USP45: variants seen among roughly 807,000 people sequenced by gnomAD.
USP45 encodes ubiquitin carboxyl-terminal hydrolase 45.
USP45 carries 89 observed loss-of-function variants against 95.8 expected under a neutral mutation model. That is an observed-to-expected ratio of 0.93 (90% CI 0.78 to 1.11). The LOEUF is 1.11. USP45 is among the 50% of genes least tolerant of loss of function. The pLI is 0.00. For synonymous variants in USP45, 281 were observed against 316.2 expected, an observed-to-expected ratio of 0.89 and a Z score of 1.18; for missense variants, 898 against 942.5, an observed-to-expected ratio of 0.95 and a Z score of 0.62.
chr6:99,446,254 C>T lies in USP45; in HGVS notation c.1518G>A (p.Glu506=). Residue 506 remains glutamate (E), a synonymous_variant, in exon 14 of 18, where the codon GAG becomes GAA. Transcript: ENST00000500704. ...HSESNVDADS[E]PSESESASKQ... is the part of the protein sequence containing the mutation. Reference sequence around the variant, plus strand: ...TTGAAGCACTTTCAGATTCTGAAGGCTCACTGTCAGCATCAACATTGCTTT... The same window carrying T: ...TTGAAGCACTTTCAGATTCTGAAGGTTCACTGTCAGCATCAACATTGCTTT... The T allele has an allele frequency of 1.2e-6, 2 of 1,614,168 alleles. No individual in the cohort carries two copies. Among genetic ancestry groups the T allele is most frequent in the East Asian group, 2.2e-5 (1 of 44,868 alleles).
intron 13 of USP45, among the ~76,000 whole-genome samples, chr6:99,454,497 TG>T (rs1257943786): frequency 6.6e-6 from 1 of 152,116 alleles, no homozygotes; most frequent in African/African-American, 2.4e-5. Context: ...ATCAACAGAA[TG>T]AAGAGACCTC....
chr6:99,464,567 TA>T (rs1345811890), intron 13 of USP45, 36 bp downstream of exon 13: 4 of 1,588,078 alleles, frequency 2.5e-6, no homozygotes, highest in South Asian at 1.2e-5. Context: ...AATAAACTGT[TA>T]AAAAACAGAC....
chr6:99,484,025 T>TTTTTTTAA (rs1427246582), intron 7 of USP45, among the ~76,000 whole-genome samples: 3 of 145,560 alleles, frequency 2.1e-5, no homozygotes, highest in Non-Finnish European at 4.5e-5. Flanking sequence ...TTTTTTTTTT[T>TTTTTTTAA]AAAGAGACAG....
rs577187327 is a variant in USP45 at position 99,434,641 on chromosome 6, T to G, written c.*1075A>C. ...TGCCCCATTAAAAGCTAAATTCACC[T>G]GAACTTATTAATGATGCTTGCTGAA... On this transcript the variant is annotated 3_prime_UTR_variant, in exon 18 of 18. Coordinates refer to ENST00000500704, the MANE Select transcript of USP45 (RefSeq NM_001346022.3). The G allele has an allele frequency of 7.9e-5, 12 of 152,328 alleles. No homozygotes were observed. In the South Asian group the frequency reaches 2.5e-3, roughly 32 times the overall value. The allele number at this position is 152,328 out of a possible 1,614,324, so 9.4% of individuals were successfully genotyped here. A position where few individuals can be genotyped will look rare whatever the true frequency, so the allele number is the denominator to read the frequency against.
chr6:99,477,073 TTC>T (rs1404770816), intron 8 of USP45, among the ~76,000 whole-genome samples: 2 of 152,190 alleles, frequency 1.3e-5, no homozygotes, highest in Non-Finnish European at 2.9e-5. Context: ...GAAGAAATAA[TTC>T]TGTCAAAATA....
intron 13 of USP45, among the ~76,000 whole-genome samples, chr6:99,456,569 A>G (rs969964796): frequency 6.6e-6 from 1 of 152,182 alleles, no homozygotes; most frequent in Non-Finnish European, 1.5e-5. Flanking sequence ...CTTTACTGCA[A>G]TCTCTAAACA....
chr6:99,448,163 C>T (rs528048773), intron 13 of USP45, among the ~76,000 whole-genome samples: 21 of 152,322 alleles, frequency 1.4e-4, no homozygotes, highest in African/African-American at 4.8e-4. Flanking sequence ...CACAGCTCCT[C>T]GCCAGCAACG....
chr6:99,507,369 A>AG, intron 4 of USP45, 59 bp downstream of exon 4: 4 of 1,103,056 alleles, frequency 3.6e-6, no homozygotes, highest in Non-Finnish European at 3.9e-6. Context: ...AGCTTAAAGA[A>AG]AAAAAAAAAT....
At position 99,456,134 on chromosome 6, in the gene USP45, G is replaced by GAAAA. The variant is rs71021737; in HGVS notation, c.1308+8466_1308+8469dup. 9.0e-4 allele frequency among the ~76,000 whole-genome samples: 81 copies of GAAAA among 89,532 alleles called. 2 individuals carry two copies. The highest frequency in any genetic ancestry group is 3.5e-3 in the African/African-American group (76 of 21,692). 58.7% of individuals were successfully genotyped at this position (89,532 alleles called of 152,430 possible). A position where few individuals can be genotyped will look rare whatever the true frequency, so the allele number is the denominator to read the frequency against. On this transcript the variant is annotated intron_variant, in intron 13 of 17. Transcript: ENST00000500704. Reference sequence around the variant, plus strand: ...GGCAACAGAGCGAGACTCTGTCTCGGAAAAAAAAAAAAAAAAAAAAAAAGA... The same window carrying GAAAA: ...GGCAACAGAGCGAGACTCTGTCTCGGAAAAAAAAAAAAAAAAAAAAAAAAAAAGA...
intron 16 of USP45, among the ~76,000 whole-genome samples, chr6:99,438,912 T>C (rs1197367793): frequency 6.6e-6 from 1 of 152,208 alleles, no homozygotes; most frequent in African/African-American, 2.4e-5. Context: ...CCGTAATAGG[T>C]ACTTTTTAAA....
chr6:99,446,636 A>T (rs1290976666), intron 13 of USP45, among the ~76,000 whole-genome samples, 173 bp from the exon 14 acceptor site: 4 of 152,268 alleles, frequency 2.6e-5, no homozygotes, highest in Admixed American at 6.5e-5. Flanking sequence ...TTCTATTTTA[A>T]AAGTAAATCT....
chr6:99,486,530 G>A (rs76944318), intron 7 of USP45, among the ~76,000 whole-genome samples: 4,868 of 151,514 alleles, frequency 0.032, 254 homozygotes, highest in African/African-American at 0.11. Context: ...AATTTTTAAG[G>A]GGCTGAACAA....
At chr6:99,510,086 C>T in intron 2 of USP45, 35 bp downstream of exon 2, 1 of 1,485,358 alleles carries the variant, frequency 6.7e-7, no homozygotes, top group East Asian at 2.3e-5. Context: ...TATTTCTTCT[C>T]AACACTATTT....
intron 10 of USP45, 128 bp downstream of exon 10, chr6:99,468,409 A>G: frequency 1.5e-6 from 1 of 645,650 alleles, no homozygotes; most frequent in Non-Finnish European, 2.7e-6. Flanking sequence ...ACACTGCAGC[A>G]ACTACGTCCT....
chr6:99,462,153 C>T (rs769780153), intron 13 of USP45: 132 of 980,118 alleles, frequency 1.3e-4, no homozygotes, highest in Non-Finnish European at 1.4e-4. Flanking sequence ...ATGAAAAAAA[C>T]GTTCAATAAA....
chr6:99,508,682 T>G lies in USP45; in HGVS notation c.201A>C (p.Lys67Asn). 6.2e-7 allele frequency: 1 copy of G among 1,613,942 alleles called. No individual in the cohort carries two copies. The highest frequency in any genetic ancestry group is 1.1e-5 in the South Asian group (1 of 91,058). Residue 67 changes from lysine (K) to asparagine (N), a missense_variant, in exon 3 of 18, where the codon AAA becomes AAC. Coordinates refer to ENST00000500704, the MANE Select transcript of USP45 (RefSeq NM_001346022.3). ...NLWSVCSECLKERRFYDGQLV... is the reference protein window; with the variant it reads ...NLWSVCSECLNERRFYDGQLV... The stretch of plus-strand genomic sequence containing the variant: ...GCTGCCCATCATAGAATCTTCTTTC[T>G]TTTAAACATTCTGAGCAAACTGACC...
At chr6:99,451,742 A>T (rs1352586711) in intron 13 of USP45, among the ~76,000 whole-genome samples, 8 of 152,246 alleles carry the variant, frequency 5.3e-5, no homozygotes, top group Admixed American at 3.9e-4. Flanking sequence ...AGCCAAAAGA[A>T]CAAAGCTGGA....
At chr6:99,491,244 G>C (rs1166156928) in intron 5 of USP45, among the ~76,000 whole-genome samples, 3 of 152,168 alleles carry the variant, frequency 2.0e-5, no homozygotes, top group Non-Finnish European at 4.4e-5. Flanking sequence ...AAAGAAAAGG[G>C]GGAAGAGGCC....
At chr6:99,488,654 A>G (rs1385325469) in intron 6 of USP45, 27 bp downstream of exon 6, 3 of 1,583,034 alleles carry the variant, frequency 1.9e-6, no homozygotes, top group East Asian at 2.3e-5. Flanking sequence ...TCTTTTACAT[A>G]TTACAAAGCT....
Sources: gnomAD v4.1 joint callset for allele counts (sites outside exome capture counted in the v4.1 genomes callset) on GRCh38, gnomAD v4.1.1 for gene constraint, MANE v1.5 for transcripts, NCBI Gene and HGNC (gene_info 2026-07-23, HGNC 2026-07-21) for gene names.